Variants in LRMDA observed in about 807,000 individuals in gnomAD.
The protein encoded by LRMDA is leucine rich melanocyte differentiation associated.
LRMDA carries 18 observed loss-of-function variants against 29.8 expected under a neutral mutation model. The observed-to-expected ratio is 0.60, with a 90% CI of 0.42 to 0.90. The LOEUF (loss-of-function observed/expected upper bound fraction) is 0.90, where lower values mean the gene tolerates loss of function less well. Ranked by LOEUF, LRMDA falls within the 40% of genes least tolerant of loss-of-function variation. The probability of loss-of-function intolerance (pLI) is 0.00; values close to 1 mark genes in which losing one functional copy is unlikely to be tolerated. For missense variants in LRMDA, 273 were observed against 273.9 expected, an observed-to-expected ratio of 1.00 and a Z score of 0.02; for synonymous variants, 125 against 109.4, an observed-to-expected ratio of 1.14 and a Z score of -0.89.
intron 2 of LRMDA, among the ~76,000 whole-genome samples, chr10:75,539,558 TG>T (rs1199543022): frequency 3.3e-5 from 5 of 152,182 alleles, no homozygotes; most frequent in Admixed American, 6.5e-5. Context: ...TATTAAGTTA[TG>T]GGGGAAATGT....
chr10:75,941,524 A>AT (rs1846392218), intron 2 of LRMDA, among the ~76,000 whole-genome samples: 1 of 152,152 alleles, frequency 6.6e-6, no homozygotes, highest in South Asian at 2.1e-4. Context: ...GTCACCGTTC[A>AT]TGGGGTTTAG....
At chr10:75,781,620 A>G (rs1843385031) in intron 2 of LRMDA, among the ~76,000 whole-genome samples, 1 of 152,204 alleles carries the variant, frequency 6.6e-6, no homozygotes, top group Non-Finnish European at 1.5e-5. Context: ...AAGCGAGGCT[A>G]TAACTGTAAA....
At chr10:75,925,063 A>G (rs981018750) in intron 2 of LRMDA, among the ~76,000 whole-genome samples, 1 of 152,044 alleles carries the variant, frequency 6.6e-6, no homozygotes, top group Non-Finnish European at 1.5e-5. Context: ...TCCTCATCGG[A>G]GTATGCAGTC....
Position 75,435,373 on chromosome 10 carries a change from T to C in LRMDA, c.31-3021T>C, listed in dbSNP as rs1844252734. Among the ~76,000 whole-genome samples the C allele has an allele frequency of 2.0e-5, 3 of 152,228 alleles. No individual in the cohort carries two copies. The South Asian group carries it at 6.2e-4, about 31-fold the overall frequency. ...AGGTAATGTCTTCCCTCAGAAGCAC[T>C]TCTTAAGTCTTTTTTCTAGTTTCAA... On this transcript the variant is annotated intron_variant, in intron 1 of 6. Transcript: ENST00000611255.
chr10:76,306,871 T>C (rs1369484496), intron 5 of LRMDA, among the ~76,000 whole-genome samples: 7 of 152,342 alleles, frequency 4.6e-5, no homozygotes, highest in African/African-American at 1.7e-4. Flanking sequence ...ATTCCCAGAA[T>C]TGATACCAGT....
intron 6 of LRMDA, among the ~76,000 whole-genome samples, chr10:76,475,701 C>T (rs1027633556): frequency 2.0e-5 from 3 of 152,128 alleles, no homozygotes; most frequent in Non-Finnish European, 4.4e-5. Context: ...CAACCTGTCT[C>T]TCAGACCACA....
intron 2 of LRMDA, among the ~76,000 whole-genome samples, chr10:75,466,782 A>G (rs2132042039): frequency 6.6e-6 from 1 of 151,624 alleles, no homozygotes; most frequent in Non-Finnish European, 1.5e-5. Context: ...TACTGAATCT[A>G]CCCTTTTCAT....
intron 2 of LRMDA, among the ~76,000 whole-genome samples, chr10:75,866,844 G>C (rs562713276): frequency 6.6e-6 from 1 of 152,172 alleles, no homozygotes; most frequent in Admixed American, 6.5e-5. Flanking sequence ...CTAAATCTTC[G>C]TCTTGACTGT....
chr10:76,456,118 G>A (rs535734055), intron 6 of LRMDA, among the ~76,000 whole-genome samples: 91 of 152,172 alleles, frequency 6.0e-4, no homozygotes, highest in Admixed American at 2.7e-3. Flanking sequence ...ATAGTCGTTC[G>A]GTCTCCATTT....
chr10:76,284,043 T>A (rs1481465326), intron 5 of LRMDA, among the ~76,000 whole-genome samples: 1 of 152,176 alleles, frequency 6.6e-6, no homozygotes, highest in Non-Finnish European at 1.5e-5. Flanking sequence ...CCTGGTCACA[T>A]CTTCAAGAGC....
chr10:75,926,671 G>T (rs1273368398), intron 2 of LRMDA, among the ~76,000 whole-genome samples: 1 of 152,230 alleles, frequency 6.6e-6, no homozygotes, highest in Non-Finnish European at 1.5e-5. Context: ...CAAGCCTGCA[G>T]GGCACGTCTT....
At chr10:76,123,229 C>G (rs1414208654) in intron 5 of LRMDA, among the ~76,000 whole-genome samples, 2 of 151,686 alleles carry the variant, frequency 1.3e-5, no homozygotes, top group African/African-American at 4.9e-5. Flanking sequence ...GTTAACAAGG[C>G]AAGGCACAGT....
intron 2 of LRMDA, among the ~76,000 whole-genome samples, chr10:75,955,774 T>G (rs888821499): frequency 5.3e-5 from 8 of 152,196 alleles, no homozygotes; most frequent in Non-Finnish European, 1.0e-4. Context: ...TTGGAGTTCC[T>G]GTGGCTTGCT....
intron 6 of LRMDA, among the ~76,000 whole-genome samples, chr10:76,391,301 G>A (rs1241599068): frequency 6.6e-6 from 1 of 152,166 alleles, no homozygotes; most frequent in Non-Finnish European, 1.5e-5. Context: ...GATTCGTGAT[G>A]ATCATTTGGC....
chr10:76,539,284 G>A (rs11816739), intron 6 of LRMDA, among the ~76,000 whole-genome samples: 11,470 of 152,214 alleles, frequency 0.075, 621 homozygotes, highest in African/African-American at 0.15. Flanking sequence ...GACAGAAAGA[G>A]AAGGTCTGTA....
At chr10:76,397,847 G>A (rs72817473) in intron 6 of LRMDA, among the ~76,000 whole-genome samples, 15,484 of 152,274 alleles carry the variant, frequency 0.1, 1,086 homozygotes, top group Non-Finnish European at 0.16. Flanking sequence ...GTGAACAACA[G>A]AAAAAGAATG....
chr10:75,486,737 G>A (rs1844919676), intron 2 of LRMDA, among the ~76,000 whole-genome samples: 1 of 152,200 alleles, frequency 6.6e-6, no homozygotes, highest in Non-Finnish European at 1.5e-5. Context: ...TTCTCTCTAT[G>A]ATGGCTGTAG....
chr10:76,235,611 A>G (rs1286457082), intron 5 of LRMDA, among the ~76,000 whole-genome samples: 1 of 152,102 alleles, frequency 6.6e-6, no homozygotes, highest in Non-Finnish European at 1.5e-5. Flanking sequence ...TGTCACCTCT[A>G]TTCTCCTCTC....
chr10:76,112,165 C>T (rs1373408125), intron 5 of LRMDA, among the ~76,000 whole-genome samples: 2 of 152,084 alleles, frequency 1.3e-5, no homozygotes, highest in South Asian at 2.1e-4. Context: ...GAGGAGCTGG[C>T]GGGAGGGCGG....
Sources: allele counts gnomAD v4.1 joint callset (sites outside exome capture counted in the v4.1 genomes callset), GRCh38; gene constraint gnomAD v4.1.1; transcripts MANE v1.5; gene names NCBI Gene and HGNC (gene_info 2026-07-23, HGNC 2026-07-21).